The following CXXC4 variants were observed in gnomAD, a reference collection of about 807,000 sequenced individuals.
CXXC4 encodes the protein CXXC-type zinc finger protein 4.
CXXC4 carries 5 observed loss-of-function variants against 20.5 expected under a neutral mutation model. That is an observed-to-expected ratio of 0.24 (90% CI 0.13 to 0.51). CXXC4 has a LOEUF of 0.51. CXXC4 is among the 20% of genes least tolerant of loss of function. The pLI, the probability that CXXC4 is intolerant of heterozygous loss-of-function variation, is 0.97. For synonymous variants in CXXC4, 250 were observed against 216.4 expected (o/e 1.16, Z -1.36); for missense variants, 419 against 496.4 (o/e 0.84, Z 1.48).
chr4:104,475,924 A>G (rs1189289938), intron 2 of CXXC4, among the ~76,000 whole-genome samples: 1 of 152,086 alleles, frequency 6.6e-6, no homozygotes, highest in Non-Finnish European at 1.5e-5. Context: ...AACGCTGACA[A>G]ACAGCCGTCT....
intron 2 of CXXC4, among the ~76,000 whole-genome samples, chr4:104,485,249 A>G (rs536510282): frequency 6.6e-6 from 1 of 152,164 alleles, no homozygotes; most frequent in East Asian, 1.9e-4. Context: ...TTTACAAACT[A>G]ATCTTGGAAT....
Position 104,473,227 on chromosome 4 carries a change from AAATAT to A in CXXC4, c.1060-866_1060-862del, listed in dbSNP as rs1161657711. On this transcript the variant is annotated intron_variant, in intron 2 of 2. Coordinates refer to ENST00000394767, the MANE Select transcript of CXXC4 (RefSeq NM_025212.4). Reference sequence around the variant, plus strand: ...TAGTCTAGTGAGAACCATACTCATAAAATATATCACTGTTTCAAAGTGAGTTTGTA... The same window carrying A: ...TAGTCTAGTGAGAACCATACTCATAAATCACTGTTTCAAAGTGAGTTTGTA... 6.5e-4 allele frequency among the ~76,000 whole-genome samples: 99 copies of A among 152,040 alleles called. 1 individual carries two copies. The highest frequency in any genetic ancestry group is 2.3e-3 in the African/African-American group (97 of 41,560).
At chr4:104,483,791 C>A (rs1203071203) in intron 2 of CXXC4, among the ~76,000 whole-genome samples, 1 of 151,826 alleles carries the variant, frequency 6.6e-6, no homozygotes, top group Non-Finnish European at 1.5e-5. Context: ...CATAAACACA[C>A]ACACACATCT....
At chr4:104,494,655 TG>T (rs1252607537) in intron 1 of CXXC4, 45 bp downstream of exon 1, 2 of 43,784 alleles carry the variant, frequency 4.6e-5, no homozygotes, top group Non-Finnish European at 1.5e-4. Context: ...GTAAACAAAC[TG>T]TTGGGGGGGG....
At chr4:104,494,667 G>A (rs1578326582) in intron 1 of CXXC4, 34 bp downstream of exon 1, 1 of 149,006 alleles carries the variant, frequency 6.7e-6, no homozygotes. Context: ...TTGGGGGGGG[G>A]GGGGTAAATA....
At chr4:104,490,714 A>G (rs775018714) in intron 2 of CXXC4, 30 bp downstream of exon 2, 3 of 1,562,618 alleles carry the variant, frequency 1.9e-6, no homozygotes, top group South Asian at 2.4e-5. Flanking sequence ...AAGGGGGGAG[A>G]CTGGGAAACA....
In CXXC4 at chr4:104,479,407, G is replaced by A. The variant is rs879295109; in HGVS notation, c.1060-7041C>T. Among the ~76,000 whole-genome samples the A allele has an allele frequency of 1.3e-3, 193 of 152,104 alleles. 1 individual carries two copies. The highest frequency in any genetic ancestry group is 2.1e-3 in the Non-Finnish European group (142 of 67,978). ...ATCTCTTTTATTATTATAGTTCTGA[G>A]ATCTGATAAATATTTATTTCTTAAT... On this transcript the variant is annotated intron_variant, in intron 2 of 2. Transcript: ENST00000394767.
chr4:104,485,077 A>G (rs961518240), intron 2 of CXXC4, among the ~76,000 whole-genome samples: 1 of 152,140 alleles, frequency 6.6e-6, no homozygotes, highest in Non-Finnish European at 1.5e-5. Context: ...ATTTACATGG[A>G]TTACAAAAAA....
At chr4:104,479,878 C>G (rs1736510506) in intron 2 of CXXC4, among the ~76,000 whole-genome samples, 1 of 150,848 alleles carries the variant, frequency 6.6e-6, no homozygotes, top group Non-Finnish European at 1.5e-5. Flanking sequence ...ACGGAATGCT[C>G]AAATTAACAA....
Position 104,491,422 on chromosome 4 carries a change from C to T in CXXC4, c.381G>A (p.Gly127=), listed in dbSNP as rs1736865753. The change falls in exon 2 of 3, where the codon GGG becomes GGA. Residue 127 remains glycine (G), a synonymous_variant. Coordinates refer to ENST00000394767, the MANE Select transcript of CXXC4 (RefSeq NM_025212.4). ...TCCTGCCGCCCCCACCACCCCCGCC[C>T]CCGCCTCCGCCGCCGCCGCCGCCGC... ...GGGGGGGGGG[G]GGGGGGGRKS... 4.1e-6 allele frequency: 4 copies of T among 982,246 alleles called. No individual in the cohort carries two copies. The African/African-American group carries it at 5.3e-5, about 13-fold the overall frequency. The allele number at this position is 982,246 out of a possible 1,614,324, so 60.8% of individuals were successfully genotyped here.
Position 104,474,877 on chromosome 4 carries a change from T to C in CXXC4, c.1060-2511A>G, listed in dbSNP as rs79593679. Among the ~76,000 whole-genome samples, 14 of 152,206 alleles carry C rather than the reference T, an allele frequency of 9.2e-5. No individual in the cohort carries two copies. In the East Asian group the frequency reaches 2.3e-3, roughly 25 times the overall value. ...TATGTCTTAGATATACTTTTAAATC[T>C]CTTTTCCAATTCTCGCTCTTCCTGT... On this transcript the variant is annotated intron_variant, in intron 2 of 2. Transcript: ENST00000394767.
rs1161466766 is a variant in CXXC4, at chr4:104,470,633, TCTC to T, written c.*1686_*1688del. 6.6e-6 allele frequency: 1 copy of T among 152,088 alleles called. No homozygotes were observed. The highest frequency in any genetic ancestry group is 1.5e-5 in the Non-Finnish European group (1 of 67,974). 9.4% of individuals were successfully genotyped at this position (152,088 alleles called of 1,614,324 possible). ...TTTCATTGTACCATACCATTTCTCT[TCTC>T]AAATTATCTTTCTTCTCGTGATTTA... is the stretch of plus-strand genomic sequence containing the variant. On this transcript the variant is annotated 3_prime_UTR_variant, in exon 3 of 3. Coordinates refer to ENST00000394767, the MANE Select transcript of CXXC4 (RefSeq NM_025212.4).
rs766965760 is a variant in CXXC4 at position 104,490,713 on chromosome 4, G to A, written c.1059+31C>T. The A allele has an allele frequency of 3.2e-6, 5 of 1,560,510 alleles. No individual in the cohort carries two copies. The Admixed American group carries it at 5.3e-5, about 16-fold the overall frequency. On this transcript the variant is annotated intron_variant, in intron 2 of 2. Coordinates refer to ENST00000394767, the MANE Select transcript of CXXC4 (RefSeq NM_025212.4). Reference sequence around the variant, plus strand: ...GAGGGAGTGAGGAGGGAAGGGGGGAGACTGGGAAACAAGAAATCATCTCCT... The same window carrying A: ...GAGGGAGTGAGGAGGGAAGGGGGGAAACTGGGAAACAAGAAATCATCTCCT...
At chr4:104,480,970 T>C (rs925817109) in intron 2 of CXXC4, among the ~76,000 whole-genome samples, 1 of 151,886 alleles carries the variant, frequency 6.6e-6, no homozygotes, top group Non-Finnish European at 1.5e-5. Context: ...TTTTCTCTTA[T>C]TCAGGTAAAA....
Position 104,491,810 on chromosome 4 carries a change from G to T in CXXC4, c.-8C>A, listed in dbSNP as rs897552747. 19 of 1,444,516 alleles carry T rather than the reference G, an allele frequency of 1.3e-5. No individual in the cohort carries two copies. Among genetic ancestry groups the T allele is most frequent in the African/African-American group, 5.9e-5 (4 of 67,686 alleles). 89.5% of individuals were successfully genotyped at this position (1,444,516 alleles called of 1,614,324 possible). ...GCAGACATTGGTGTTCATGGTGCAG[G>T]GGGGGAAGAAGGGGTGCAGGGTGGA... On this transcript the variant is annotated 5_prime_UTR_variant, in exon 2 of 3. Coordinates refer to ENST00000394767, the MANE Select transcript of CXXC4 (RefSeq NM_025212.4).
chr4:104,475,554 G>T (rs75276930), intron 2 of CXXC4, among the ~76,000 whole-genome samples: 2,567 of 152,198 alleles, frequency 0.017, 79 homozygotes, highest in African/African-American at 0.059. Flanking sequence ...TAAACTACAG[G>T]TTTCTAACTA....
chr4:104,493,480 AT>A (rs1736958880), intron 1 of CXXC4, among the ~76,000 whole-genome samples: 1 of 152,240 alleles, frequency 6.6e-6, no homozygotes, highest in African/African-American at 2.4e-5. Context: ...TGAACCAGTT[AT>A]GCCCAAACTC....
At chr4:104,475,370 G>GATTTT (rs1359982347) in intron 2 of CXXC4, 2 of 152,020 alleles carry the variant, frequency 1.3e-5, no homozygotes, top group Non-Finnish European at 2.9e-5. Context: ...TGTATTTCAG[G>GATTTT]ATTTTAAAAG....
chr4:104,487,324 C>T (rs1313593221), intron 2 of CXXC4, among the ~76,000 whole-genome samples: 1 of 152,086 alleles, frequency 6.6e-6, no homozygotes, highest in Admixed American at 6.6e-5. Flanking sequence ...GGTAGAGAAA[C>T]CAGATCTGTG....
Sources: gnomAD v4.1 joint callset for allele counts (sites outside exome capture counted in the v4.1 genomes callset) on GRCh38, gnomAD v4.1.1 for gene constraint, MANE v1.5 for transcripts, NCBI Gene and HGNC (gene_info 2026-07-23, HGNC 2026-07-21) for gene names.